The following NAV2 variants were observed in gnomAD, a reference collection of about 807,000 sequenced individuals.
The protein encoded by NAV2 is helicase, APC down-regulated 1.
In NAV2, 54 loss-of-function variants were observed where a neutral mutation model predicts 223.2. That is an observed-to-expected ratio of 0.24 (90% CI 0.19 to 0.30). The LOEUF (loss-of-function observed/expected upper bound fraction) is 0.30, where lower values mean the gene tolerates loss of function less well. Ranked by LOEUF, NAV2 falls within the 10% of genes least tolerant of loss-of-function variation. NAV2 has a pLI of 1.00. For synonymous variants in NAV2, 1,279 were observed against 1,239.3 expected (o/e 1.03, Z -0.67); for missense variants, 2,806 against 3,147.5 (o/e 0.89, Z 2.60).
intron 1 of NAV2, among the ~76,000 whole-genome samples, chr11:19,426,714 G>A (rs1850844725): frequency 6.6e-6 from 1 of 151,848 alleles, no homozygotes. Flanking sequence ...TTTTAGTTGG[G>A]GGGCGGGGTT....
rs1175587722 is a variant in NAV2 at position 19,587,299 on chromosome 11, G to C, written c.75+236272G>C. Reference sequence around the variant, plus strand: ...GTCACCCCTTTCTTTGACTAGGAAAGGGAATTCCCTGACCCCTTGCACATC... The same window carrying C: ...GTCACCCCTTTCTTTGACTAGGAAACGGAATTCCCTGACCCCTTGCACATC... On this transcript the variant is annotated intron_variant, in intron 1 of 37. Transcript: ENST00000360655. 2.0e-5 allele frequency among the ~76,000 whole-genome samples: 3 copies of C among 152,314 alleles called. No homozygotes were observed. The East Asian group carries it at 5.8e-4, about 29-fold the overall frequency.
chr11:19,757,280 G>A (rs999142583), intron 1 of NAV2, among the ~76,000 whole-genome samples: 2 of 152,148 alleles, frequency 1.3e-5, no homozygotes, highest in African/African-American at 4.8e-5. Context: ...GGGCTTGAGA[G>A]TAACACAGTT....
chr11:19,578,334 T>A (rs911258927), intron 1 of NAV2, among the ~76,000 whole-genome samples: 2 of 152,252 alleles, frequency 1.3e-5, no homozygotes, highest in Non-Finnish European at 2.9e-5. Context: ...AGCCAGTGAT[T>A]TGCTAGTAGA....
chr11:19,695,228 C>T (rs2049295811), intron 1 of NAV2, among the ~76,000 whole-genome samples: 1 of 152,184 alleles, frequency 6.6e-6, no homozygotes, highest in Non-Finnish European at 1.5e-5. Context: ...CTCTCCGGTC[C>T]AAAACATGAC....
intron 1 of NAV2, among the ~76,000 whole-genome samples, chr11:19,782,881 T>G (rs1216040417): frequency 6.6e-6 from 1 of 152,108 alleles, no homozygotes; most frequent in African/African-American, 2.4e-5. Context: ...GTGATGGAGA[T>G]ATTTGGCTGG....
chr11:19,930,336 T>C (rs1003466247), intron 6 of NAV2, among the ~76,000 whole-genome samples: 1 of 152,310 alleles, frequency 6.6e-6, no homozygotes, highest in East Asian at 1.9e-4. Flanking sequence ...GAAATTATAG[T>C]GGAGACATCC....
intron 1 of NAV2, among the ~76,000 whole-genome samples, chr11:19,759,421 A>G (rs919969483): frequency 1.3e-5 from 2 of 152,180 alleles, no homozygotes; most frequent in African/African-American, 2.4e-5. Flanking sequence ...CTTGTCTAAC[A>G]CACCCTAACT....
At chr11:20,022,977 A>G in intron 11 of NAV2, 2 of 1,409,926 alleles carry the variant, frequency 1.4e-6, no homozygotes, top group Non-Finnish European at 1.9e-6. Context: ...TCCTTTAGTT[A>G]CAGAGTTGCT....
chr11:19,989,622 T>G (rs533925150), intron 11 of NAV2, among the ~76,000 whole-genome samples: 1 of 152,306 alleles, frequency 6.6e-6, no homozygotes, highest in South Asian at 2.1e-4. Context: ...CAGAAGGTAA[T>G]AAAACCAGTA....
intron 1 of NAV2, chr11:19,503,465 G>T (rs1001592714): frequency 3.3e-5 from 5 of 152,054 alleles, no homozygotes; most frequent in Admixed American, 6.5e-5. Context: ...CATCTCTCCC[G>T]CCTTCCTACT....
intron 11 of NAV2, among the ~76,000 whole-genome samples, chr11:20,032,751 T>C (rs1396004031): frequency 6.6e-6 from 1 of 152,158 alleles, no homozygotes; most frequent in African/African-American, 2.4e-5. Flanking sequence ...CTGCAAAGAA[T>C]CATTGGGCAG....
In NAV2 at chr11:19,895,104, C is replaced by CTTT. The variant is rs71050690; in HGVS notation, c.931+2531_931+2533dup. Among the ~76,000 whole-genome samples, 774 of 99,204 alleles carry CTTT rather than the reference C, an allele frequency of 7.8e-3. 10 individuals are homozygous for CTTT. Among genetic ancestry groups the CTTT allele is most frequent in the East Asian group, 9.9e-3 (30 of 3,024 alleles). 65.1% of individuals were successfully genotyped at this position (99,204 alleles called of 152,430 possible). A position where few individuals can be genotyped will look rare whatever the true frequency, so the allele number is the denominator to read the frequency against. On this transcript the variant is annotated intron_variant, in intron 6 of 37. Transcript: ENST00000349880. ...CTTTCTTTTCTTTTTCTTTTTCTTT[C>CTTT]TTTTTTTTTTTTTTTTTTTTTTTGA...
chr11:19,872,360 G>A (rs947901322), intron 4 of NAV2, among the ~76,000 whole-genome samples: 1 of 152,128 alleles, frequency 6.6e-6, no homozygotes, highest in Non-Finnish European at 1.5e-5. Context: ...GGCCCAAAGA[G>A]ATTAAGCTAC....
chr11:19,921,340 G>A (rs544971307), intron 6 of NAV2, among the ~76,000 whole-genome samples: 21 of 152,210 alleles, frequency 1.4e-4, no homozygotes, highest in South Asian at 2.1e-4. Flanking sequence ...TAATAAGCTC[G>A]TTCTTTGGTT....
At chr11:19,982,115 T>A (rs1459621636) in intron 10 of NAV2, among the ~76,000 whole-genome samples, 1 of 152,134 alleles carries the variant, frequency 6.6e-6, no homozygotes, top group East Asian at 1.9e-4. Flanking sequence ...GTGAGAGACA[T>A]GCATTGAAGG....
chr11:20,102,774 G>A (rs757931254), intron 32 of NAV2, among the ~76,000 whole-genome samples: 9 of 152,026 alleles, frequency 5.9e-5, no homozygotes, highest in East Asian at 1.9e-4. Flanking sequence ...TGCCCCACCC[G>A]TTCTCCAAGG....
chr11:19,676,761 C>T (rs542669467), intron 1 of NAV2, among the ~76,000 whole-genome samples: 93 of 152,322 alleles, frequency 6.1e-4, no homozygotes, highest in East Asian at 1.9e-4. Flanking sequence ...GGTTAGGCCA[C>T]GAGGATGCTG....
chr11:19,797,073 C>T (rs77770282), intron 1 of NAV2, among the ~76,000 whole-genome samples: 6,010 of 152,154 alleles, frequency 0.039, 338 homozygotes, highest in East Asian at 0.15. Flanking sequence ...GCCCCCCACA[C>T]GGGTTTGAGA....
intron 17 of NAV2, 132 bp from the exon 18 acceptor site, chr11:20,053,948 T>C (rs765015378): frequency 2.2e-5 from 21 of 938,342 alleles, no homozygotes; most frequent in Non-Finnish European, 3.3e-5. Flanking sequence ...TCAGGACGTG[T>C]AGTGATCTGA....
Sources: gnomAD v4.1 joint callset for allele counts (sites outside exome capture counted in the v4.1 genomes callset) on GRCh38, gnomAD v4.1.1 for gene constraint, MANE v1.5 for transcripts, NCBI Gene and HGNC (gene_info 2026-07-23, HGNC 2026-07-21) for gene names.